ALS2: variants seen among roughly 807,000 people sequenced by gnomAD.
ALS2 encodes alsin.
In ALS2, 117 loss-of-function variants were observed where a neutral mutation model predicts 203.4. That is an observed-to-expected ratio of 0.58 (90% CI 0.50 to 0.67). The LOEUF is 0.67. Among genes scored for constraint, ALS2 ranks in the 30% least tolerant of loss-of-function variants. The pLI, the probability that ALS2 is intolerant of heterozygous loss-of-function variation, is 0.00. For missense variants in ALS2, 1,715 were observed against 1,989.4 expected (o/e 0.86, Z 2.62); for synonymous variants, 718 against 725.9 (o/e 0.99, Z 0.17).
intron 18 of ALS2, 21 bp from the exon 19 acceptor site, chr2:201,726,570 A>T (rs754214962): frequency 2.0e-5 from 33 of 1,609,896 alleles, no homozygotes; most frequent in Non-Finnish European, 2.7e-5. Flanking sequence ...TAAGCAAAGA[A>T]TAATGCATGT....
At chr2:201,764,961 T>G (rs1694001850) in intron 3 of ALS2, among the ~76,000 whole-genome samples, 1 of 152,178 alleles carries the variant, frequency 6.6e-6, no homozygotes, top group South Asian at 2.1e-4. Flanking sequence ...GCCTTGAAGG[T>G]ATGATTCTAA....
chr2:201,748,788 T>C (rs750123341), intron 8 of ALS2, among the ~76,000 whole-genome samples: 10 of 152,208 alleles, frequency 6.6e-5, no homozygotes, highest in Non-Finnish European at 7.3e-5. Flanking sequence ...TAAAATTAAG[T>C]TCACCAAAAG....
chr2:201,773,315 G>C (rs1035303725), intron 1 of ALS2, among the ~76,000 whole-genome samples: 4 of 152,114 alleles, frequency 2.6e-5, no homozygotes, highest in African/African-American at 9.7e-5. Flanking sequence ...AGGAAGCCTG[G>C]GTTCTTAAGT....
rs1173868866 is a variant in ALS2, at chr2:201,757,721, C to A, written c.1152G>T (p.Pro384=). Residue 384 remains proline, a synonymous_variant, in exon 5 of 34, where the codon CCG becomes CCT. Transcript: ENST00000264276. ...LEEAIPNLHS[P]PTTSTSALNS... The stretch of plus-strand genomic sequence containing the variant: ...TTAGGGCTGAGGTGCTTGTGGTAGG[C>A]GGGCTGTGGAGATTAGGAATTGCTT... 1.6e-5 allele frequency: 25 copies of A among 1,612,562 alleles called. No individual in the cohort carries two copies. The highest frequency in any genetic ancestry group is 2.1e-5 in the Non-Finnish European group (25 of 1,179,984).
intron 29 of ALS2, among the ~76,000 whole-genome samples, chr2:201,706,148 GGCC>G (rs1689700806): frequency 6.7e-6 from 1 of 149,876 alleles, no homozygotes; most frequent in African/African-American, 2.6e-5. Context: ...CACGTTGGGA[GGCC>G]GAGGCGAGCA....
chr2:201,768,952 A>G lies in ALS2; in HGVS notation c.-60-7T>C. The stretch of plus-strand genomic sequence containing the variant: ...ACAGAAAGTCTATCAAGACCTAAAC[A>G]GTACAAGTAAGGAAAAGAGCAGTAA... On this transcript the variant is annotated splice_polypyrimidine_tract_variant and splice_region_variant and intron_variant, in intron 1 of 33. Coordinates refer to ENST00000264276, the MANE Select transcript of ALS2 (RefSeq NM_020919.4). The G allele has an allele frequency of 2.1e-6, 3 of 1,460,712 alleles. No individual in the cohort carries two copies. Among genetic ancestry groups the G allele is most frequent in the Non-Finnish European group, 9.5e-7 (1 of 1,049,688 alleles). The allele number at this position is 1,460,712 out of a possible 1,614,324, so 90.5% of individuals were successfully genotyped here. A position where few individuals can be genotyped will look rare whatever the true frequency, so the allele number is the denominator to read the frequency against.
chr2:201,717,932 C>T (rs1367210170), intron 24 of ALS2, 145 bp downstream of exon 24: 3 of 790,320 alleles, frequency 3.8e-6, no homozygotes, highest in Non-Finnish European at 5.6e-6. Flanking sequence ...GAGTGACACC[C>T]TGTCTCAAAA....
intron 19 of ALS2, among the ~76,000 whole-genome samples, chr2:201,726,011 G>T (rs1297735378): frequency 6.6e-6 from 1 of 152,058 alleles, no homozygotes; most frequent in Non-Finnish European, 1.5e-5. Context: ...TAGAAAACAT[G>T]ATAAACTTAT....
intron 1 of ALS2, among the ~76,000 whole-genome samples, chr2:201,770,260 C>A (rs1276606457): frequency 6.6e-6 from 1 of 152,188 alleles, no homozygotes; most frequent in Non-Finnish European, 1.5e-5. Context: ...AGCACACAAG[C>A]ACACCTTACT....
Position 201,749,805 on chromosome 2 carries a change from A to G in ALS2, c.1738-16T>C. 6.2e-7 allele frequency: 1 copy of G among 1,608,478 alleles called. No individual in the cohort carries two copies. Among genetic ancestry groups the G allele is most frequent in the Non-Finnish European group, 8.5e-7 (1 of 1,174,878 alleles). On this transcript the variant is annotated splice_polypyrimidine_tract_variant and intron_variant, in intron 7 of 33. Coordinates refer to ENST00000264276, the MANE Select transcript of ALS2 (RefSeq NM_020919.4). ...ATGAGTAAACCTATCAAAAAAACAC[A>G]GAAAAGTAGCTAAGCGTTGTGAATC...
In ALS2 at chr2:201,729,366, C is replaced by T. The variant is rs188186212; in HGVS notation, c.2581-183G>A. 2.8e-3 allele frequency among the ~76,000 whole-genome samples: 419 copies of T among 152,158 alleles called. 1 individual carries two copies. Among genetic ancestry groups the T allele is most frequent in the South Asian group, 1.0e-2 (48 of 4,820 alleles). On this transcript the variant is annotated intron_variant, in intron 13 of 33. Coordinates refer to ENST00000264276, the MANE Select transcript of ALS2 (RefSeq NM_020919.4). The stretch of plus-strand genomic sequence containing the variant: ...GATTGGTTTCAGAAAAATTCTACTA[C>T]ATAAAAGTACATATGAAATAGGGGC...
At chr2:201,772,136 A>C (rs558238521) in intron 1 of ALS2, among the ~76,000 whole-genome samples, 2 of 152,390 alleles carry the variant, frequency 1.3e-5, no homozygotes, top group East Asian at 3.8e-4. Context: ...CTTTAAACAA[A>C]GAGCAAACCT....
At chr2:201,770,294 T>C (rs898658411) in intron 1 of ALS2, among the ~76,000 whole-genome samples, 1 of 152,136 alleles carries the variant, frequency 6.6e-6, no homozygotes, top group South Asian at 2.1e-4. Context: ...ACACTATATG[T>C]AAACGGAATT....
chr2:201,764,781 C>T (rs1193984292), intron 3 of ALS2, among the ~76,000 whole-genome samples: 8 of 152,022 alleles, frequency 5.3e-5, no homozygotes, highest in Admixed American at 5.2e-4. Flanking sequence ...CAACCATTTC[C>T]TCAGCTGGAA....
intron 33 of ALS2, among the ~76,000 whole-genome samples, chr2:201,703,451 C>A (rs1284845957): frequency 6.6e-6 from 1 of 152,042 alleles, no homozygotes; most frequent in East Asian, 1.9e-4. Flanking sequence ...ATTGTGTATT[C>A]CTGTGACAGT....
At chr2:201,772,235 G>A (rs1375108474) in intron 1 of ALS2, among the ~76,000 whole-genome samples, 2 of 151,948 alleles carry the variant, frequency 1.3e-5, no homozygotes, top group Admixed American at 6.6e-5. Flanking sequence ...TGTCCTGTAC[G>A]AGCCAAGGAT....
rs746790680 is a variant in ALS2, at chr2:201,707,991, C to A, written c.4281G>T (p.Arg1427Ser). ...SYLKRIFQLV[R>S]FLFPELPEEG... ...CTTCAGGCAGCTCAGGAAATAAGAA[C>A]CTAAGGAAGAATAAAAAATATAATT... The change falls in exon 28 of 34, where the codon AGG (arginine) becomes AGT (serine). Residue 1427 changes from arginine (R) to serine (S), a missense_variant and splice_region_variant. Around this residue, in one of 3 missense-constraint regions of ALS2, gnomAD observed 1,227 missense variants for 1,413.5 expected, o/e 0.87. Transcript: ENST00000264276. 2.5e-6 allele frequency: 4 copies of A among 1,611,140 alleles called. No homozygotes were observed. In the Admixed American group the frequency reaches 5.0e-5, roughly 20 times the overall value.
chr2:201,710,122 GAC>G (rs1361261103), intron 26 of ALS2, 84 bp from the exon 27 acceptor site: 32 of 1,491,220 alleles, frequency 2.1e-5, no homozygotes, highest in Non-Finnish European at 2.7e-5. Flanking sequence ...CTTCATAAAT[GAC>G]ACACAATTGT....
chr2:201,757,650 G>A lies in ALS2; in HGVS notation c.1223C>T (p.Ala408Val). Residue 408 changes from alanine (A) to valine (V), a missense_variant, in exon 5 of 34, where the codon GCT becomes GTT. Around this residue, in one of 3 missense-constraint regions of ALS2, gnomAD observed 476 missense variants for 539.3 expected, o/e 0.88. Coordinates refer to ENST00000264276, the MANE Select transcript of ALS2 (RefSeq NM_020919.4). ...SCASAVGVRV[A>V]ATYEAGALSL... ...CAAGGCACCAGCTTCATAAGTAGCA[G>A]CCACTCTCACACCAACAGCAGATGC... The A allele has an allele frequency of 1.2e-6, 2 of 1,614,162 alleles. No homozygotes were observed. Among genetic ancestry groups the A allele is most frequent in the East Asian group, 2.2e-5 (1 of 44,890 alleles).
Sources: gnomAD v4.1 joint callset for allele counts (sites outside exome capture counted in the v4.1 genomes callset) on GRCh38, gnomAD v4.1.1 for gene constraint, gnomAD v4.1.1 regional missense constraint, MANE v1.5 for transcripts, NCBI Gene and HGNC (gene_info 2026-07-23, HGNC 2026-07-21) for gene names.